Variants in PRKACA observed in about 807,000 individuals in gnomAD.
PRKACA encodes the protein protein kinase cAMP-activated catalytic subunit alpha.
A neutral mutation model predicts 45.8 loss-of-function variants in PRKACA; 9 were observed. That is an observed-to-expected ratio of 0.20 (90% CI 0.12 to 0.34). The LOEUF is 0.34. Among genes scored for constraint, PRKACA ranks in the 10% least tolerant of loss-of-function variants. PRKACA has a pLI of 1.00. For missense variants in PRKACA, 238 were observed against 458.6 expected (o/e 0.52, Z 4.39); for synonymous variants, 160 against 178.6 (o/e 0.90, Z 0.83).
intron 1 of PRKACA, among the ~76,000 whole-genome samples, chr19:14,114,997 C>A (rs1274659832): frequency 6.6e-6 from 1 of 152,210 alleles, no homozygotes; most frequent in Non-Finnish European, 1.5e-5. Flanking sequence ...ACTGCCCCTG[C>A]CCCTGCCCCA....
chr19:14,107,039 G>A (rs898632231), intron 2 of PRKACA, 151 bp from the exon 3 acceptor site: 1 of 1,032,354 alleles, frequency 9.7e-7, no homozygotes, highest in South Asian at 1.6e-5. Flanking sequence ...AAATCAAGAT[G>A]GCAGAGGGCA....
intron 1 of PRKACA, among the ~76,000 whole-genome samples, chr19:14,109,965 A>AATATATATATAT (rs1188333013): frequency 7.2e-4 from 17 of 23,768 alleles, no homozygotes; most frequent in South Asian, 2.6e-3. Flanking sequence ...AAAAAAAAAA[A>AATATATATATAT]ATATATATAT....
In PRKACA at chr19:14,093,051, C is replaced by G; in HGVS notation, c.*61G>C. On this transcript the variant is annotated 3_prime_UTR_variant, in exon 10 of 10. Coordinates refer to ENST00000308677, the MANE Select transcript of PRKACA (RefSeq NM_002730.4). ...CTGGCTGTTCAATCCAACCCTCCCA[C>G]CCCCCCGACCAAAAAAAAGAAAAAA... is the stretch of plus-strand genomic sequence containing the variant. 5 of 1,091,454 alleles carry G rather than the reference C, an allele frequency of 4.6e-6. No individual in the cohort carries two copies. Among genetic ancestry groups the G allele is most frequent in the Non-Finnish European group, 6.1e-6 (5 of 815,966 alleles). The allele number at this position is 1,091,454 out of a possible 1,614,324, so 67.6% of individuals were successfully genotyped here. A position where few individuals can be genotyped will look rare whatever the true frequency, so the allele number is the denominator to read the frequency against.
chr19:14,092,948 T>A lies in PRKACA; in HGVS notation c.*164A>T, dbSNP rs1977125977. On this transcript the variant is annotated 3_prime_UTR_variant, in exon 10 of 10. Transcript: ENST00000308677. ...GCAGCTGGTGTTTCTGTCCCTCTGA[T>A]TATCTGGGCTTCCTGCTCCCCCTAA... The A allele has an allele frequency of 2.3e-6, 2 of 854,610 alleles. No homozygotes were observed. The highest frequency in any genetic ancestry group is 6.0e-5 in the Admixed American group (2 of 33,598). The allele number at this position is 854,610 out of a possible 1,614,324, so 52.9% of individuals were successfully genotyped here.
chr19:14,108,803 C>T (rs1004015547), intron 1 of PRKACA, among the ~76,000 whole-genome samples: 2 of 151,132 alleles, frequency 1.3e-5, no homozygotes, highest in African/African-American at 4.9e-5. Flanking sequence ...TCTCAGCTCA[C>T]TGCAACCTCC....
rs1241627166 is a variant in PRKACA, at chr19:14,093,090, C to G, written c.*22G>C. ...AAAAAGAAAAAAGAAAAAAGAAAAC[C>G]CATGGGGGCACAGGCATGCCCCTAA... On this transcript the variant is annotated 3_prime_UTR_variant, in exon 10 of 10. Coordinates refer to ENST00000308677, the MANE Select transcript of PRKACA (RefSeq NM_002730.4). 2 of 1,248,308 alleles carry G rather than the reference C, an allele frequency of 1.6e-6. No individual in the cohort carries two copies. Among genetic ancestry groups the G allele is most frequent in the Non-Finnish European group, 1.0e-6 (1 of 970,094 alleles). 77.3% of individuals were successfully genotyped at this position (1,248,308 alleles called of 1,614,324 possible).
At chr19:14,100,359 G>A (rs2144450782) in intron 5 of PRKACA, among the ~76,000 whole-genome samples, 1 of 152,038 alleles carries the variant, frequency 6.6e-6, no homozygotes, top group East Asian at 1.9e-4. Context: ...GTACAGTGGT[G>A]TGATCTTGGC....
intron 5 of PRKACA, chr19:14,098,487 T>C (rs575811571): frequency 6.9e-5 from 10 of 145,382 alleles, no homozygotes; most frequent in Admixed American, 3.6e-4. Flanking sequence ...TATATATATA[T>C]ATTTTTTTTT....
At chr19:14,115,060 C>T in intron 1 of PRKACA, 2 of 985,020 alleles carry the variant, frequency 2.0e-6, no homozygotes, top group Non-Finnish European at 2.4e-6. Context: ...AATCAGAGCG[C>T]CTCAAAGCAA....
At chr19:14,100,947 G>T (rs1165462362) in intron 4 of PRKACA, 39 bp from the exon 5 acceptor site, 1 of 1,586,064 alleles carries the variant, frequency 6.3e-7, no homozygotes, top group Non-Finnish European at 8.7e-7. Context: ...CCACCCCTGA[G>T]ACTTGGACCC....
At chr19:14,105,832 G>A (rs1199326705) in intron 3 of PRKACA, among the ~76,000 whole-genome samples, 1 of 152,190 alleles carries the variant, frequency 6.6e-6, no homozygotes, top group Non-Finnish European at 1.5e-5. Context: ...CTGCTTTATA[G>A]CAGTGCCTGG....
At chr19:14,116,657 C>G (rs933829860) in intron 1 of PRKACA, among the ~76,000 whole-genome samples, 3 of 152,094 alleles carry the variant, frequency 2.0e-5, no homozygotes, top group Non-Finnish European at 4.4e-5. Flanking sequence ...AGAGGGGGCT[C>G]TGCCACCACC....
chr19:14,093,814 C>G, intron 8 of PRKACA, 22 bp from the exon 9 acceptor site: 1 of 1,602,040 alleles, frequency 6.2e-7, no homozygotes, highest in South Asian at 1.1e-5. Context: ...GGTACAAGGA[C>G]AGGGTGGGAA....
At chr19:14,095,847 C>T (rs1977231700) in intron 8 of PRKACA, among the ~76,000 whole-genome samples, 1 of 151,402 alleles carries the variant, frequency 6.6e-6, no homozygotes, top group African/African-American at 2.4e-5. Context: ...TGCTATGTGT[C>T]CAGCTGGGGC....
chr19:14,097,917 C>T lies in PRKACA; in HGVS notation c.420-27G>A, dbSNP rs375422928. On this transcript the variant is annotated intron_variant, in intron 5 of 9. Transcript: ENST00000308677. This position sits in a 1 kb window ranked among gnomAD's most constrained non-coding sequence, Gnocchi z 5.4. ...TGATGGGGACAAATGGGGAGGTGAA[C>T]GTCAGTGGTCATGCCCCAAAATGGT... 66 of 1,612,862 alleles carry T rather than the reference C, an allele frequency of 4.1e-5. No homozygotes were observed. The highest frequency in any genetic ancestry group is 3.3e-4 in the Middle Eastern group (2 of 6,064).
chr19:14,103,167 G>A (rs930941721), intron 3 of PRKACA, among the ~76,000 whole-genome samples: 3 of 152,180 alleles, frequency 2.0e-5, no homozygotes, highest in Non-Finnish European at 2.9e-5. Flanking sequence ...GGTCAGAGCC[G>A]TGGTGGAGGG....
At position 14,114,168 on chromosome 19, in the gene PRKACA, T is replaced by G. The variant is rs369958809; in HGVS notation, c.46+3334A>C. Reference sequence around the variant, plus strand: ...AGTTGGAAGCCATCACTCAGTCCTGTTCTCAGGGCACCGGCACTACGGTGG... The same window carrying G: ...AGTTGGAAGCCATCACTCAGTCCTGGTCTCAGGGCACCGGCACTACGGTGG... On this transcript the variant is annotated intron_variant, in intron 1 of 9. Coordinates refer to ENST00000308677, the MANE Select transcript of PRKACA (RefSeq NM_002730.4). The G allele has an allele frequency of 4.2e-5, 68 of 1,610,654 alleles. No individual in the cohort carries two copies. In the African/African-American group the frequency reaches 6.3e-4, roughly 15 times the overall value.
At chr19:14,101,966 C>A (rs545605374) in intron 4 of PRKACA, among the ~76,000 whole-genome samples, 1 of 152,268 alleles carries the variant, frequency 6.6e-6, no homozygotes, top group South Asian at 2.1e-4. Flanking sequence ...GAGTTCAAGA[C>A]CAGCCTGAGC....
rs3729858 is a variant in PRKACA at position 14,093,715 on chromosome 19, G to A, written c.843C>T (p.Arg281=). The A allele has an allele frequency of 1.2e-6, 2 of 1,614,160 alleles. No individual in the cohort carries two copies. The highest frequency in any genetic ancestry group is 1.7e-6 in the Non-Finnish European group (2 of 1,180,026). Residue 281 remains arginine (R), a synonymous_variant, in exon 9 of 10, where the codon CGC becomes CGT. Coordinates refer to ENST00000308677, the MANE Select transcript of PRKACA (RefSeq NM_002730.4). ...RNLLQVDLTK[R]FGNLKNGVND... is the part of the protein sequence containing the mutation. ...TGACCCCATTCTTGAGGTTCCCAAA[G>A]CGCTTGGTGAGATCTACCTGCAGGA...
Sources: allele counts gnomAD v4.1 joint callset (sites outside exome capture counted in the v4.1 genomes callset), GRCh38; gene constraint gnomAD v4.1.1; non-coding constraint Gnocchi (gnomAD v3.1); transcripts MANE v1.5; gene names NCBI Gene and HGNC (gene_info 2026-07-23, HGNC 2026-07-21).